Variants in KAZN observed in about 807,000 individuals in gnomAD.
KAZN encodes the protein kazrin.
In KAZN, 40 loss-of-function variants were observed where a neutral mutation model predicts 87.4. That is an observed-to-expected ratio of 0.46 (90% CI 0.36 to 0.60). The LOEUF is 0.60. KAZN is among the 20% of genes least tolerant of loss of function. KAZN has a pLI of 0.00. For synonymous variants in KAZN, 466 were observed against 458.3 expected (o/e 1.02, Z -0.22); for missense variants, 898 against 1,073.9 (o/e 0.84, Z 2.29).
intron 2 of KAZN, among the ~76,000 whole-genome samples, chr1:14,526,228 T>C (rs1446511408): frequency 2.6e-5 from 4 of 152,196 alleles, no homozygotes; most frequent in African/African-American, 9.7e-5. Context: ...CTCTTTAATT[T>C]TACACATTTT....
At chr1:14,514,574 T>TA (rs1394985672) in intron 2 of KAZN, among the ~76,000 whole-genome samples, 2 of 124,828 alleles carry the variant, frequency 1.6e-5, no homozygotes, top group East Asian at 4.8e-4. Context: ...TTTCTATATA[T>TA]TTTATATATT....
At chr1:14,029,339 A>G (rs1273156110) in intron 1 of KAZN, among the ~76,000 whole-genome samples, 2 of 61,386 alleles carry the variant, frequency 3.3e-5, no homozygotes, top group Non-Finnish European at 3.2e-5. Flanking sequence ...TTTTCTTGTA[A>G]ATTTGTTTGA....
At chr1:14,705,426 TG>T (rs1467589073) in intron 1 of KAZN, among the ~76,000 whole-genome samples, 39 of 152,336 alleles carry the variant, frequency 2.6e-4, no homozygotes, top group African/African-American at 8.9e-4. Flanking sequence ...ATCCTACTAC[TG>T]GACATTGATC....
At chr1:14,467,812 T>G (rs1668246954) in intron 2 of KAZN, among the ~76,000 whole-genome samples, 1 of 152,068 alleles carries the variant, frequency 6.6e-6, no homozygotes, top group South Asian at 2.1e-4. Flanking sequence ...TTTCAGCCTC[T>G]CATGATGGCC....
At chr1:15,044,718 C>T (rs114435544) in intron 4 of KAZN, among the ~76,000 whole-genome samples, 1,844 of 148,330 alleles carry the variant, frequency 0.012, 9 homozygotes, top group Non-Finnish European at 0.019. Flanking sequence ...GACAGTGAGA[C>T]CCTGTCTCAA....
intron 1 of KAZN, among the ~76,000 whole-genome samples, chr1:14,087,715 G>A (rs1037841438): frequency 1.2e-4 from 18 of 151,740 alleles, no homozygotes; most frequent in African/African-American, 4.1e-4. Context: ...AGAGTCAGAC[G>A]GTTTTTCTGT....
intron 2 of KAZN, among the ~76,000 whole-genome samples, chr1:14,267,879 G>C (rs1651617209): frequency 6.6e-6 from 1 of 152,176 alleles, no homozygotes; most frequent in Non-Finnish European, 1.5e-5. Context: ...AGAATCACTT[G>C]AACCCAGGAG....
At chr1:14,667,412 C>A (rs1012101491) in intron 1 of KAZN, among the ~76,000 whole-genome samples, 2 of 152,168 alleles carry the variant, frequency 1.3e-5, no homozygotes, top group African/African-American at 2.4e-5. Context: ...TTTGCTCCAA[C>A]CTCTTGAGCA....
chr1:14,198,253 T>C (rs370737074), intron 2 of KAZN, among the ~76,000 whole-genome samples: 142 of 152,198 alleles, frequency 9.3e-4, no homozygotes, highest in African/African-American at 3.3e-3. Context: ...GTGATAAAAA[T>C]CTGACTTTTT....
chr1:13,963,137 C>T (rs535562912), intron 1 of KAZN, among the ~76,000 whole-genome samples: 1 of 152,058 alleles, frequency 6.6e-6, no homozygotes, highest in African/African-American at 2.4e-5. Context: ...AAAAATCTCT[C>T]TAATGTCTGT....
At chr1:14,694,993 G>T (rs1641518676) in intron 1 of KAZN, among the ~76,000 whole-genome samples, 1 of 152,156 alleles carries the variant, frequency 6.6e-6, no homozygotes, top group Non-Finnish European at 1.5e-5. Flanking sequence ...GGGAATTGGA[G>T]GTCAGTCCCT....
intron 1 of KAZN, among the ~76,000 whole-genome samples, chr1:14,844,461 A>G (rs997370429): frequency 6.6e-6 from 1 of 152,038 alleles, no homozygotes; most frequent in Admixed American, 6.6e-5. Flanking sequence ...TTTTGGAAAC[A>G]CCCTTCATAT....
intron 1 of KAZN, among the ~76,000 whole-genome samples, chr1:13,941,181 C>T (rs1183027451): frequency 2.0e-5 from 3 of 151,918 alleles, no homozygotes; most frequent in Non-Finnish European, 4.4e-5. Flanking sequence ...CAGAGCAGGA[C>T]TCCATCTAAA....
chr1:14,928,154 G>A (rs1425698888), intron 1 of KAZN, among the ~76,000 whole-genome samples: 2 of 152,216 alleles, frequency 1.3e-5, no homozygotes, highest in Non-Finnish European at 2.9e-5. Context: ...TCTTAAGAAA[G>A]TAGACCCACA....
chr1:13,971,880 C>T (rs1308482575), intron 1 of KAZN, among the ~76,000 whole-genome samples: 54 of 152,272 alleles, frequency 3.5e-4, no homozygotes, highest in Admixed American at 2.0e-4. Context: ...CTGCTTCCTC[C>T]ATGTGAGATG....
intron 1 of KAZN, among the ~76,000 whole-genome samples, chr1:14,613,854 C>T (rs1399600164): frequency 6.6e-6 from 1 of 152,144 alleles, no homozygotes; most frequent in African/African-American, 2.4e-5. Context: ...ATGGCCTCTG[C>T]CCTGGGACTT....
chr1:14,309,190 A>G (rs192295477), intron 2 of KAZN, among the ~76,000 whole-genome samples: 38 of 152,360 alleles, frequency 2.5e-4, no homozygotes, highest in Admixed American at 6.5e-4. Context: ...GGATATCCCA[A>G]AATTGCAACA....
In KAZN at chr1:14,790,424, C is replaced by T. The variant is rs116417675; in HGVS notation, c.227-170260C>T. On this transcript the variant is annotated intron_variant, in intron 1 of 14. Transcript: ENST00000376030. ...ATTTACTGGAAAATGTAATAATTCA[C>T]ATACCATAAGATATAATAATCCACA... is the stretch of plus-strand genomic sequence containing the variant. Among the ~76,000 whole-genome samples the T allele has an allele frequency of 5.7e-3, 868 of 152,224 alleles. 13 individuals carry two copies. The highest frequency in any genetic ancestry group is 0.02 in the African/African-American group (839 of 41,526).
At chr1:14,859,630 C>T (rs1425512133) in intron 1 of KAZN, among the ~76,000 whole-genome samples, 1 of 152,146 alleles carries the variant, frequency 6.6e-6, no homozygotes, top group African/African-American at 2.4e-5. Flanking sequence ...ATTAGAATGT[C>T]CTTCTGGTAT....
Sources: allele counts gnomAD v4.1 joint callset (sites outside exome capture counted in the v4.1 genomes callset), GRCh38; gene constraint gnomAD v4.1.1; transcripts MANE v1.5; gene names NCBI Gene and HGNC (gene_info 2026-07-23, HGNC 2026-07-21).